Variants in TENM4 observed in about 807,000 individuals in gnomAD.
The protein encoded by TENM4 is teneurin-4.
TENM4 carries 82 observed loss-of-function variants against 243.3 expected under a neutral mutation model. The observed-to-expected ratio is 0.34, with a 90% CI of 0.28 to 0.40. The LOEUF (loss-of-function observed/expected upper bound fraction) is 0.40. Among genes scored for constraint, TENM4 ranks in the 10% least tolerant of loss-of-function variants. The probability of loss-of-function intolerance (pLI) is 1.00; values close to 1 mark genes in which losing one functional copy is unlikely to be tolerated. For missense variants in TENM4, 3,138 were observed against 3,673.3 expected (o/e 0.85, Z 3.77); for synonymous variants, 1,412 against 1,456.3 (o/e 0.97, Z 0.69).
At chr11:78,869,111 A>G (rs931010607) in intron 9 of TENM4, among the ~76,000 whole-genome samples, 1 of 152,208 alleles carries the variant, frequency 6.6e-6, no homozygotes, top group African/African-American at 2.4e-5. Context: ...TATATACACA[A>G]GATGTACACG....
chr11:79,404,737 C>A (rs866208537), intron 1 of TENM4, among the ~76,000 whole-genome samples: 1 of 152,072 alleles, frequency 6.6e-6, no homozygotes, highest in Non-Finnish European at 1.5e-5. Context: ...TTGGAACATA[C>A]CCACCTGCTC....
At chr11:79,078,362 T>C (rs1033265777) in intron 4 of TENM4, among the ~76,000 whole-genome samples, 6 of 152,216 alleles carry the variant, frequency 3.9e-5, no homozygotes, top group African/African-American at 1.2e-4. Context: ...TCTGTGTGTG[T>C]GTGTGTATGT....
At chr11:79,321,418 C>T (rs115559702) in intron 1 of TENM4, among the ~76,000 whole-genome samples, 382 of 152,176 alleles carry the variant, frequency 2.5e-3, no homozygotes, top group African/African-American at 8.4e-3. Flanking sequence ...CTGCAGAAAG[C>T]GTTTACAGCA....
chr11:78,959,645 T>C (rs1857275932), intron 6 of TENM4, among the ~76,000 whole-genome samples: 1 of 151,934 alleles, frequency 6.6e-6, no homozygotes. Flanking sequence ...ACTTTTAGAG[T>C]GACATTCAGA....
At chr11:78,820,564 G>C (rs548501211) in intron 12 of TENM4, among the ~76,000 whole-genome samples, 2 of 152,326 alleles carry the variant, frequency 1.3e-5, no homozygotes, top group African/African-American at 4.8e-5. Context: ...CCCAGGACCT[G>C]GCAGAGCTGG....
chr11:79,318,786 T>C (rs1196963027), intron 1 of TENM4, among the ~76,000 whole-genome samples: 1 of 152,226 alleles, frequency 6.6e-6, no homozygotes, highest in Non-Finnish European at 1.5e-5. Context: ...GGCTGTTTAA[T>C]AACTAGCTCA....
intron 6 of TENM4, among the ~76,000 whole-genome samples, chr11:78,984,392 C>T (rs1003365681): frequency 2.0e-5 from 3 of 152,194 alleles, no homozygotes; most frequent in Non-Finnish European, 4.4e-5. Flanking sequence ...GACATAGTTT[C>T]CCCTCCGAGG....
chr11:79,414,182 A>ACG (rs1491423551), intron 1 of TENM4, among the ~76,000 whole-genome samples: 1 of 147,500 alleles, frequency 6.8e-6, no homozygotes, highest in Non-Finnish European at 1.5e-5. Context: ...ACACACACAC[A>ACG]CGCACACAAA....
At chr11:79,047,389 C>T (rs1252344954) in intron 6 of TENM4, among the ~76,000 whole-genome samples, 1 of 152,172 alleles carries the variant, frequency 6.6e-6, no homozygotes, top group African/African-American at 2.4e-5. Flanking sequence ...GTGGGCAGCT[C>T]TTTTTCATAT....
Position 78,720,361 on chromosome 11 carries a change from T to C in TENM4, c.3821+9A>G, listed in dbSNP as rs1421696489. 1 of 1,613,828 alleles carries C rather than the reference T, an allele frequency of 6.2e-7. No homozygotes were observed. The highest frequency in any genetic ancestry group is 1.3e-5 in the African/African-American group (1 of 74,928). On this transcript the variant is annotated intron_variant, in intron 25 of 33. Transcript: ENST00000278550. ...GGTGAGGCAGGAAATTCTCCACTGG[T>C]TGGCTTACCTATGTCTGAAATCTTT...
chr11:78,719,394 A>C, intron 25 of TENM4, among the ~76,000 whole-genome samples: 1 of 114,474 alleles, frequency 8.7e-6, no homozygotes, highest in Non-Finnish European at 1.6e-5. Flanking sequence ...AATTATATTT[A>C]CTACTTATAA....
At chr11:78,888,185 C>T (rs1855586206) in intron 9 of TENM4, among the ~76,000 whole-genome samples, 1 of 152,216 alleles carries the variant, frequency 6.6e-6, no homozygotes, top group Admixed American at 6.5e-5. Flanking sequence ...ATGGCAAATA[C>T]TTGACATGTC....
At chr11:78,978,379 A>G (rs1857714863) in intron 6 of TENM4, among the ~76,000 whole-genome samples, 1 of 151,998 alleles carries the variant, frequency 6.6e-6, no homozygotes, top group Non-Finnish European at 1.5e-5. Context: ...AGAAAAGAAA[A>G]GAAAAGAAAA....
At chr11:79,058,859 T>A (rs933699317) in intron 6 of TENM4, among the ~76,000 whole-genome samples, 11 of 152,212 alleles carry the variant, frequency 7.2e-5, no homozygotes, top group African/African-American at 2.7e-4. Flanking sequence ...CCCTAGTGGA[T>A]GGGACCTAAC....
At chr11:79,088,109 T>A (rs1860855879) in intron 4 of TENM4, among the ~76,000 whole-genome samples, 2 of 152,234 alleles carry the variant, frequency 1.3e-5, no homozygotes, top group Non-Finnish European at 2.9e-5. Context: ...ACACTCTGCC[T>A]GTCACTCCAT....
At chr11:79,369,155 G>C (rs1857732899) in intron 1 of TENM4, among the ~76,000 whole-genome samples, 1 of 151,926 alleles carries the variant, frequency 6.6e-6, no homozygotes, top group South Asian at 2.1e-4. Flanking sequence ...TTTTAACTGG[G>C]AACTGTCCCT....
intron 3 of TENM4, among the ~76,000 whole-genome samples, chr11:79,185,617 GCATATAC>G (rs1863367467): frequency 1.3e-5 from 2 of 152,094 alleles, no homozygotes; most frequent in Non-Finnish European, 2.9e-5. Flanking sequence ...ATGAGTATTG[GCATATAC>G]CATTTAACTT....
chr11:79,249,745 C>T (rs979841934), intron 2 of TENM4, among the ~76,000 whole-genome samples: 2 of 152,220 alleles, frequency 1.3e-5, no homozygotes, highest in African/African-American at 4.8e-5. Context: ...AGCTATGTGG[C>T]CTTGGGATTT....
chr11:79,141,004 C>T (rs921466833), intron 4 of TENM4, among the ~76,000 whole-genome samples: 1 of 151,992 alleles, frequency 6.6e-6, no homozygotes, highest in African/African-American at 2.4e-5. Context: ...ACCAGGTTGC[C>T]TCCCTGAGAT....
Sources: gnomAD v4.1 joint callset for allele counts (sites outside exome capture counted in the v4.1 genomes callset) on GRCh38, gnomAD v4.1.1 for gene constraint, MANE v1.5 for transcripts, NCBI Gene and HGNC (gene_info 2026-07-23, HGNC 2026-07-21) for gene names.